Variants in SLC12A1 observed in about 807,000 individuals in gnomAD.
SLC12A1 encodes the protein Na-K-2Cl cotransporter.
A neutral mutation model predicts 130.4 loss-of-function variants in SLC12A1; 89 were observed. The ratio of observed to expected loss-of-function variants is 0.68; its 90% CI spans 0.58 to 0.81. The LOEUF is 0.81. SLC12A1 is among the 40% of genes least tolerant of loss of function. SLC12A1 has a pLI of 0.00. For missense variants in SLC12A1, 1,310 were observed against 1,336.4 expected, an observed-to-expected ratio of 0.98 and a Z score of 0.31; for synonymous variants, 499 against 460.0, an observed-to-expected ratio of 1.08 and a Z score of -1.09.
chr15:48,232,508 C>G (rs2041393157), intron 7 of SLC12A1, among the ~76,000 whole-genome samples: 1 of 152,224 alleles, frequency 6.6e-6, no homozygotes, highest in Admixed American at 6.5e-5. Flanking sequence ...ACTGCCCAAA[C>G]ACGTGTGCCA....
chr15:48,272,268 C>T (rs2041906161), intron 19 of SLC12A1, among the ~76,000 whole-genome samples: 1 of 152,182 alleles, frequency 6.6e-6, no homozygotes, highest in Non-Finnish European at 1.5e-5. Flanking sequence ...ATCCATATTA[C>T]ATTTCCCTTT....
At chr15:48,283,339 A>C (rs2042026818) in intron 20 of SLC12A1, among the ~76,000 whole-genome samples, 1 of 152,220 alleles carries the variant, frequency 6.6e-6, no homozygotes, top group African/African-American at 2.4e-5. Flanking sequence ...ATGTCACATA[A>C]AGCCAGCAGC....
chr15:48,264,347 C>G (rs2041808108), intron 17 of SLC12A1, among the ~76,000 whole-genome samples: 1 of 151,916 alleles, frequency 6.6e-6, no homozygotes, highest in African/African-American at 2.4e-5. Flanking sequence ...TTGAGGAGTT[C>G]TCAATAAATC....
intron 2 of SLC12A1, among the ~76,000 whole-genome samples, chr15:48,211,221 C>T (rs887005491): frequency 6.6e-6 from 1 of 152,144 alleles, no homozygotes; most frequent in Non-Finnish European, 1.5e-5. Flanking sequence ...ACAGAATCTA[C>T]AATGTGCACA....
intron 24 of SLC12A1, among the ~76,000 whole-genome samples, chr15:48,298,890 T>C (rs1054949177): frequency 1.3e-5 from 2 of 152,244 alleles, no homozygotes; most frequent in African/African-American, 2.4e-5. Flanking sequence ...GTATGTGTGT[T>C]AATATTGAAG....
intron 19 of SLC12A1, among the ~76,000 whole-genome samples, chr15:48,270,470 A>G (rs1439677286): frequency 6.6e-6 from 1 of 151,596 alleles, no homozygotes; most frequent in Non-Finnish European, 1.5e-5. Context: ...ATTAAGTAGC[A>G]TGCTGAAAAA....
chr15:48,207,562 G>T lies in SLC12A1; in HGVS notation c.-158G>T. ...TGAAGAACATCCTGAAGATTATATC[G>T]GAGACAATATATCAAGAATCTATTT... On this transcript the variant is annotated 5_prime_UTR_variant, in exon 2 of 27. Transcript: ENST00000380993. 4.1e-6 allele frequency: 2 copies of T among 492,844 alleles called. No individual in the cohort carries two copies. Among genetic ancestry groups the T allele is most frequent in the Non-Finnish European group, 3.4e-6 (1 of 292,782 alleles). The allele number at this position is 492,844 out of a possible 1,614,324, so 30.5% of individuals were successfully genotyped here.
In SLC12A1 at chr15:48,211,426, C is replaced by A. The variant is rs569942568; in HGVS notation, c.420+3287C>A. 9.2e-5 allele frequency among the ~76,000 whole-genome samples: 14 copies of A among 152,332 alleles called. No individual in the cohort carries two copies. The South Asian group carries it at 1.2e-3, about 14-fold the overall frequency. On this transcript the variant is annotated intron_variant, in intron 2 of 26. Transcript: ENST00000380993. ...GCAATGTGCTGTAGCTGTGCTGCCA[C>A]CTCCTTGTGGCCCTTGACATTTTTA...
intron 7 of SLC12A1, among the ~76,000 whole-genome samples, chr15:48,232,041 A>G (rs2041386861): frequency 1.3e-5 from 2 of 152,136 alleles, no homozygotes; most frequent in South Asian, 2.1e-4. Flanking sequence ...AAAAACATAA[A>G]AGATTAAATT....
intron 9 of SLC12A1, among the ~76,000 whole-genome samples, chr15:48,240,030 CATATATATATATATATATCCATATAT>C (rs2041487856): frequency 7.6e-5 from 1 of 13,132 alleles, no homozygotes; most frequent in Non-Finnish European, 4.1e-4. Flanking sequence ...TATATATATC[CATATATATATATATATATCCATATAT>C]ATATATATAT....
rs1566862556 is a variant in SLC12A1, at chr15:48,301,506, G to GGGGGA, written c.3164+128_3164+129insAGGGG. ...GTTTTGTTTTTGTGTTTTTTTTGGG[G>GGGGGA]GGGGGAACACGTGGGATTCTTAGAC... is the stretch of plus-strand genomic sequence containing the variant. On this transcript the variant is annotated intron_variant, in intron 26 of 26. Transcript: ENST00000380993. 97 of 546,442 alleles carry GGGGGA rather than the reference G, an allele frequency of 1.8e-4. 3 individuals are homozygous for GGGGGA. Among genetic ancestry groups the GGGGGA allele is most frequent in the Non-Finnish European group, 2.7e-4 (90 of 329,062 alleles). 33.8% of individuals were successfully genotyped at this position (546,442 alleles called of 1,614,324 possible). A position where few individuals can be genotyped will look rare whatever the true frequency, so the allele number is the denominator to read the frequency against.
At chr15:48,283,247 G>T (rs752780036) in intron 20 of SLC12A1, among the ~76,000 whole-genome samples, 1 of 152,154 alleles carries the variant, frequency 6.6e-6, no homozygotes, top group East Asian at 1.9e-4. Context: ...CAAAGCTTGG[G>T]GGGTGGGAAA....
intron 21 of SLC12A1, among the ~76,000 whole-genome samples, chr15:48,285,692 AG>A (rs1257249197): frequency 6.6e-6 from 1 of 152,220 alleles, no homozygotes; most frequent in African/African-American, 2.4e-5. Flanking sequence ...TTTCAACAAA[AG>A]CATCTTTATC....
chr15:48,272,871 G>A (rs1444162778), intron 19 of SLC12A1, among the ~76,000 whole-genome samples: 1 of 152,088 alleles, frequency 6.6e-6, no homozygotes, highest in East Asian at 1.9e-4. Flanking sequence ...ACTTTGGGAG[G>A]CCAAGGTGGG....
intron 20 of SLC12A1, among the ~76,000 whole-genome samples, chr15:48,277,903 G>C (rs1773363486): frequency 6.6e-6 from 1 of 152,204 alleles, no homozygotes; most frequent in Non-Finnish European, 1.5e-5. Flanking sequence ...ATCTGATTAT[G>C]TATACTCTAT....
intron 17 of SLC12A1, among the ~76,000 whole-genome samples, chr15:48,262,310 A>G (rs1295381308): frequency 6.6e-6 from 1 of 152,212 alleles, no homozygotes; most frequent in Non-Finnish European, 1.5e-5. Flanking sequence ...TTACATTACC[A>G]GAAAGGAGCA....
At chr15:48,256,460 T>C (rs1472117101) in intron 16 of SLC12A1, among the ~76,000 whole-genome samples, 2 of 152,208 alleles carry the variant, frequency 1.3e-5, no homozygotes, top group African/African-American at 4.8e-5. Context: ...TCCATTTTCA[T>C]ACTGCTATGA....
At chr15:48,255,433 T>C (rs569644348) in intron 15 of SLC12A1, among the ~76,000 whole-genome samples, 10 of 141,688 alleles carry the variant, frequency 7.1e-5, no homozygotes, top group Non-Finnish European at 4.5e-5. Context: ...TGAAACTCCA[T>C]CTCAAAAAAA....
At position 48,267,712 on chromosome 15, in the gene SLC12A1, A is replaced by G. The variant is rs2041847914; in HGVS notation, c.2295+11A>G. 1 of 1,612,788 alleles carries G rather than the reference A, an allele frequency of 6.2e-7. No homozygotes were observed. ...CGAAGTCTTCTTCAGGTAAGGCTGCATTGAGGGAATGAGCACAGAGGCAAA... is the reference window on the plus strand; with the variant it reads ...CGAAGTCTTCTTCAGGTAAGGCTGCGTTGAGGGAATGAGCACAGAGGCAAA... On this transcript the variant is annotated intron_variant, in intron 18 of 26. Transcript: ENST00000380993.
Sources: allele counts gnomAD v4.1 joint callset (sites outside exome capture counted in the v4.1 genomes callset), GRCh38; gene constraint gnomAD v4.1.1; transcripts MANE v1.5; gene names NCBI Gene and HGNC (gene_info 2026-07-23, HGNC 2026-07-21).